Variants in UCHL3 observed in about 807,000 individuals in gnomAD.
UCHL3 encodes ubiquitin carboxyl-terminal hydrolase isozyme L3.
UCHL3 carries 22 observed loss-of-function variants against 35.8 expected under a neutral mutation model. The observed-to-expected ratio is 0.61, with a 90% confidence interval of 0.44 to 0.88. The LOEUF is 0.88. Ranked by LOEUF, UCHL3 falls within the 40% of genes least tolerant of loss-of-function variation. UCHL3 has a pLI of 0.00. For missense variants in UCHL3, 229 were observed against 276.9 expected (o/e 0.83, Z 1.23); for synonymous variants, 90 against 92.8 (o/e 0.97, Z 0.17).
At chr13:75,549,761 GAAGCGGCGGCGGCGGCGA>G, upstream of UCHL3, 1 of 1,460,206 alleles carries the variant, frequency 6.8e-7, no homozygotes, top group South Asian at 1.4e-5. Flanking sequence ...CGCGTGGGCG[GAAGCGGCGGCGGCGGCGA>G]AGGCGGCGGC....
At chr13:75,565,018 T>G (rs940606807) in intron 3 of UCHL3, among the ~76,000 whole-genome samples, 1 of 152,176 alleles carries the variant, frequency 6.6e-6, no homozygotes, top group African/African-American at 2.4e-5. Flanking sequence ...TTGAATGTGT[T>G]CTTTGTGATA....
At chr13:75,595,799 T>C (rs2032632217) in intron 7 of UCHL3, among the ~76,000 whole-genome samples, 1 of 151,586 alleles carries the variant, frequency 6.6e-6, no homozygotes, top group South Asian at 2.1e-4. Context: ...TTTTTTTTTT[T>C]TAAGTTTACC....
intron 7 of UCHL3, among the ~76,000 whole-genome samples, chr13:75,599,057 G>T (rs189495175): frequency 8.3e-4 from 126 of 151,876 alleles, no homozygotes; most frequent in African/African-American, 2.6e-3. Context: ...CAGCCTTGAT[G>T]TCCTGGGCTC....
intron 6 of UCHL3, among the ~76,000 whole-genome samples, chr13:75,573,939 T>C (rs528487961): frequency 3.0e-4 from 45 of 152,254 alleles, no homozygotes; most frequent in African/African-American, 1.0e-3. Flanking sequence ...CTTTTCAGGC[T>C]GGGCGCGGTG....
At chr13:75,592,443 T>TGTATATATGTATATACATATATAC (rs2032519202) in intron 6 of UCHL3, among the ~76,000 whole-genome samples, 1 of 78,434 alleles carries the variant, frequency 1.3e-5, no homozygotes, top group Non-Finnish European at 2.5e-5. Context: ...TATATATATA[T>TGTATATATGTATATACATATATAC]ATATATATAT....
Position 75,592,452 on chromosome 13 carries a change from A to G in UCHL3, c.475-2463A>G, listed in dbSNP as rs1482846525. On this transcript the variant is annotated intron_variant, in intron 6 of 8. Transcript: ENST00000377595. ...TATATATATATATATATATATATATATATATATATATATATGAAGGAAAAA... is the reference window on the plus strand; with the variant it reads ...TATATATATATATATATATATATATGTATATATATATATATGAAGGAAAAA... 2.0e-3 allele frequency among the ~76,000 whole-genome samples: 226 copies of G among 114,710 alleles called. 2 individuals are homozygous for G. Among genetic ancestry groups the G allele is most frequent in the Non-Finnish European group, 2.9e-3 (159 of 54,382 alleles). 75.3% of individuals were successfully genotyped at this position (114,710 alleles called of 152,430 possible).
intron 2 of UCHL3, among the ~76,000 whole-genome samples, chr13:75,558,873 G>C (rs1486204223): frequency 1.3e-5 from 2 of 152,014 alleles, no homozygotes; most frequent in African/African-American, 4.8e-5. Context: ...TTGGTTTTTA[G>C]ATAGAATTGA....
chr13:75,550,388 C>T (rs1356978753), intron 2 of UCHL3, among the ~76,000 whole-genome samples: 1 of 152,130 alleles, frequency 6.6e-6, no homozygotes. Context: ...TTTGTAAACT[C>T]GCCCACCCAG....
chr13:75,605,692 T>C (rs1241910768), intron 8 of UCHL3, 37 bp from the exon 9 acceptor site: 11 of 1,592,646 alleles, frequency 6.9e-6, no homozygotes, highest in Non-Finnish European at 9.5e-6. Context: ...AAAACACTTT[T>C]ACACTGAAAA....
intron 6 of UCHL3, among the ~76,000 whole-genome samples, chr13:75,570,785 A>C (rs548034355): frequency 6.6e-6 from 1 of 152,162 alleles, no homozygotes; most frequent in South Asian, 2.1e-4. Context: ...TGGTGCATGC[A>C]CCTGTAGCAC....
At chr13:75,586,436 G>A (rs1210136619) in intron 6 of UCHL3, among the ~76,000 whole-genome samples, 1 of 139,966 alleles carries the variant, frequency 7.1e-6, no homozygotes, top group Non-Finnish European at 1.6e-5. Context: ...AGTTGGAGAT[G>A]TCAACACTCA....
At chr13:75,551,751 G>A (rs920690594) in intron 2 of UCHL3, among the ~76,000 whole-genome samples, 7 of 152,156 alleles carry the variant, frequency 4.6e-5, no homozygotes, top group African/African-American at 1.7e-4. Context: ...GTGTAAGTAG[G>A]AACTTACGTC....
chr13:75,594,723 C>T (rs752094546), intron 6 of UCHL3, among the ~76,000 whole-genome samples, 192 bp from the exon 7 acceptor site: 5 of 152,162 alleles, frequency 3.3e-5, no homozygotes, highest in African/African-American at 9.6e-5. Flanking sequence ...TTTTCTTTGC[C>T]GATAACTGAG....
chr13:75,574,385 A>G (rs1336588942), intron 6 of UCHL3, among the ~76,000 whole-genome samples: 1 of 152,176 alleles, frequency 6.6e-6, no homozygotes, highest in Non-Finnish European at 1.5e-5. Context: ...TCTGCTAACT[A>G]GAATGTAGGT....
chr13:75,604,617 T>A, intron 7 of UCHL3, 152 bp from the exon 8 acceptor site: 1 of 444,974 alleles, frequency 2.2e-6, no homozygotes. Flanking sequence ...AAAATATTCA[T>A]GGTAGCACAT....
chr13:75,582,951 G>A (rs1164160529), intron 6 of UCHL3, among the ~76,000 whole-genome samples: 1 of 152,120 alleles, frequency 6.6e-6, no homozygotes, highest in Admixed American at 6.6e-5. Context: ...TCAACTCTTT[G>A]AAATTGAAAA....
At chr13:75,605,029 T>C in intron 8 of UCHL3, 1 of 414,398 alleles carries the variant, frequency 2.4e-6, no homozygotes. Flanking sequence ...TGAACAAATG[T>C]AAAAATTGAA....
chr13:75,602,991 A>G (rs969037739), intron 7 of UCHL3, among the ~76,000 whole-genome samples: 2 of 151,652 alleles, frequency 1.3e-5, no homozygotes, highest in Non-Finnish European at 2.9e-5. Context: ...TTATTATGTT[A>G]TTATTTTATT....
intron 7 of UCHL3, among the ~76,000 whole-genome samples, chr13:75,597,963 G>A (rs1449534498): frequency 1.3e-5 from 2 of 152,244 alleles, no homozygotes; most frequent in Non-Finnish European, 1.5e-5. Context: ...TCTGGCATAT[G>A]TAAAGGGGAA....
Sources: allele counts gnomAD v4.1 joint callset (sites outside exome capture counted in the v4.1 genomes callset), GRCh38; gene constraint gnomAD v4.1.1; transcripts MANE v1.5; gene names NCBI Gene and HGNC (gene_info 2026-07-23, HGNC 2026-07-21).